NPSR1: variants seen among roughly 807,000 people sequenced by gnomAD.
NPSR1 encodes the protein neuropeptide S receptor.
NPSR1 carries 48 observed loss-of-function variants against 46.9 expected under a neutral mutation model. The observed-to-expected ratio is 1.02, with a 90% CI of 0.81 to 1.30. The LOEUF (loss-of-function observed/expected upper bound fraction) is 1.30. Ranked by LOEUF, NPSR1 falls within the 50% of genes most tolerant of loss-of-function variation. NPSR1 has a pLI of 0.00. For synonymous variants in NPSR1, 176 were observed against 168.1 expected, an observed-to-expected ratio of 1.05 and a Z score of -0.36; for missense variants, 450 against 449.5, an observed-to-expected ratio of 1.00 and a Z score of -0.01.
intron 3 of NPSR1, among the ~76,000 whole-genome samples, chr7:34,794,580 T>C (rs1788088494): frequency 6.6e-6 from 1 of 152,108 alleles, no homozygotes; most frequent in African/African-American, 2.4e-5. Flanking sequence ...CAAGCCCAGA[T>C]GGGTTCACTG....
rs115203884 is a variant in NPSR1, at chr7:34,785,993, C to T, written c.384+7428C>T. Among the ~76,000 whole-genome samples the T allele has an allele frequency of 8.0e-3, 1,216 of 152,074 alleles. 24 individuals carry two copies. Among genetic ancestry groups the T allele is most frequent in the African/African-American group, 0.028 (1,154 of 41,496 alleles). On this transcript the variant is annotated intron_variant, in intron 3 of 8. Transcript: ENST00000360581. ...TGCTGACTTATCAGGGTGGTGGTTG[C>T]CAAAGGTTGTGGTGGCTGTGGCAAT... is the stretch of plus-strand genomic sequence containing the variant.
chr7:34,679,908 C>T (rs1227838914), intron 1 of NPSR1, among the ~76,000 whole-genome samples: 2 of 151,910 alleles, frequency 1.3e-5, no homozygotes, highest in African/African-American at 4.8e-5. Context: ...ATACTAAATA[C>T]AAAATGTTAA....
chr7:34,753,248 A>G (rs575552852), intron 2 of NPSR1, among the ~76,000 whole-genome samples: 38 of 152,326 alleles, frequency 2.5e-4, no homozygotes, highest in African/African-American at 8.9e-4. Context: ...TAGAAAGATC[A>G]GGAGGAATAA....
intron 8 of NPSR1, among the ~76,000 whole-genome samples, chr7:34,860,857 C>G (rs1791177236): frequency 6.6e-6 from 1 of 151,848 alleles, no homozygotes; most frequent in Admixed American, 6.5e-5. Flanking sequence ...TCTCCCCACT[C>G]CCATCCTAGT....
chr7:34,820,819 A>G (rs1397995515), intron 4 of NPSR1, among the ~76,000 whole-genome samples: 1 of 152,246 alleles, frequency 6.6e-6, no homozygotes, highest in Non-Finnish European at 1.5e-5. Flanking sequence ...TGGGATCAAC[A>G]AAAAGGAATG....
At chr7:34,751,784 G>C (rs1785549440) in intron 2 of NPSR1, 1 of 1,587,840 alleles carries the variant, frequency 6.3e-7, no homozygotes, top group South Asian at 1.1e-5. Context: ...GCACAGCCCT[G>C]CCATATCTGG....
intron 2 of NPSR1, among the ~76,000 whole-genome samples, chr7:34,743,160 C>T (rs1160308143): frequency 6.6e-6 from 1 of 152,046 alleles, no homozygotes; most frequent in Admixed American, 6.6e-5. Flanking sequence ...TAATTAGATC[C>T]CACTTGTCAA....
intron 1 of NPSR1, among the ~76,000 whole-genome samples, chr7:34,674,919 T>C (rs1040532317): frequency 6.6e-6 from 1 of 152,068 alleles, no homozygotes; most frequent in African/African-American, 2.4e-5. Flanking sequence ...AGAAAGAAAA[T>C]GAAGATTTGT....
In NPSR1 at chr7:34,664,218, G is replaced by T. The variant is rs535177862; in HGVS notation, c.147+5659G>T. ...GCAGGCTTTAGAGCCAGACTTCTGGGGTCAAATCCCAGTGCCACACCATCT... is the reference window on the plus strand; with the variant it reads ...GCAGGCTTTAGAGCCAGACTTCTGGTGTCAAATCCCAGTGCCACACCATCT... On this transcript the variant is annotated intron_variant, in intron 1 of 8. Coordinates refer to ENST00000360581, the MANE Select transcript of NPSR1 (RefSeq NM_207172.2). Among the ~76,000 whole-genome samples, 4 of 152,274 alleles carry T rather than the reference G, an allele frequency of 2.6e-5. 1 individual carries two copies. The highest frequency in any genetic ancestry group is 9.6e-5 in the African/African-American group (4 of 41,546).
downstream of NPSR1, among the ~76,000 whole-genome samples, chr7:34,852,103 C>T (rs1254413316): frequency 6.6e-6 from 1 of 152,086 alleles, no homozygotes; most frequent in Admixed American, 6.5e-5. Context: ...CGAGACCATT[C>T]TGGCTAACAC....
At chr7:34,708,445 G>A (rs962797688) in intron 2 of NPSR1, among the ~76,000 whole-genome samples, 6 of 152,158 alleles carry the variant, frequency 3.9e-5, no homozygotes, top group African/African-American at 1.4e-4. Context: ...CACATGGGCT[G>A]AACAGGTAAG....
chr7:34,754,673 A>G (rs886504721), intron 2 of NPSR1, among the ~76,000 whole-genome samples: 10 of 152,238 alleles, frequency 6.6e-5, no homozygotes, highest in African/African-American at 2.4e-4. Context: ...CATTAAAAGT[A>G]TAAAACTGAG....
chr7:34,698,808 T>C (rs1793671488), intron 2 of NPSR1, among the ~76,000 whole-genome samples: 1 of 152,202 alleles, frequency 6.6e-6, no homozygotes. Context: ...GTTCAAAGAA[T>C]ATCTTATATT....
At position 34,746,105 on chromosome 7, in the gene NPSR1, T is replaced by G. The variant is rs762757382; in HGVS notation, c.281-32357T>G. ...TCCATCGATACAATCAGTTATTTCT[T>G]TCCTGTGCCTCCAAAATGTTTCTAC... On this transcript the variant is annotated intron_variant, in intron 2 of 8. Transcript: ENST00000360581. 2.0e-4 allele frequency among the ~76,000 whole-genome samples: 31 copies of G among 152,210 alleles called. 1 individual carries two copies. Among genetic ancestry groups the G allele is most frequent in the South Asian group, 1.0e-3 (5 of 4,836 alleles).
chr7:34,839,820 G>C (rs1204074383), intron 6 of NPSR1, among the ~76,000 whole-genome samples: 1 of 152,084 alleles, frequency 6.6e-6, no homozygotes. Context: ...AGAGAGTGGA[G>C]GACTGCTCAG....
downstream of NPSR1, among the ~76,000 whole-genome samples, chr7:34,850,591 G>A (rs989787667): frequency 5.9e-5 from 9 of 152,122 alleles, no homozygotes; most frequent in Admixed American, 2.6e-4. Flanking sequence ...TAGTAGAGAC[G>A]GAGTTTCACC....
chr7:34,715,502 C>T lies in NPSR1; in HGVS notation c.280+30818C>T, dbSNP rs554170952. 6.6e-5 allele frequency among the ~76,000 whole-genome samples: 10 copies of T among 152,286 alleles called. No individual in the cohort carries two copies. The East Asian group carries it at 1.9e-3, about 29-fold the overall frequency. Reference sequence around the variant, plus strand: ...TGTGGCAGAAGTAATGCCACATGTTCACAATATCCCATGGATGGGGTCATG... The same window carrying T: ...TGTGGCAGAAGTAATGCCACATGTTTACAATATCCCATGGATGGGGTCATG... On this transcript the variant is annotated intron_variant, in intron 2 of 8. Transcript: ENST00000360581.
chr7:34,809,305 A>T (rs1163304477), intron 3 of NPSR1, among the ~76,000 whole-genome samples: 1 of 151,152 alleles, frequency 6.6e-6, no homozygotes, highest in Non-Finnish European at 1.5e-5. Context: ...CCAAGAGATA[A>T]TTTTTTCTTT....
At chr7:34,751,535 C>T (rs1386120021) in intron 2 of NPSR1, 4 of 1,570,646 alleles carry the variant, frequency 2.5e-6, no homozygotes, top group South Asian at 1.1e-5. Context: ...ATAGTGGTCT[C>T]GAAACTTGTA....
Sources: allele counts gnomAD v4.1 joint callset (sites outside exome capture counted in the v4.1 genomes callset), GRCh38; gene constraint gnomAD v4.1.1; transcripts MANE v1.5; gene names NCBI Gene and HGNC (gene_info 2026-07-23, HGNC 2026-07-21).